Variants in BBX observed in about 807,000 individuals in gnomAD.
The protein encoded by BBX is HMG box transcription factor BBX.
In BBX, 30 loss-of-function variants were observed where a neutral mutation model predicts 100.2. The observed-to-expected ratio is 0.30, with a 90% confidence interval of 0.22 to 0.41. The LOEUF (loss-of-function observed/expected upper bound fraction) is 0.41, where lower values mean the gene tolerates loss of function less well. Ranked by LOEUF, BBX falls within the 10% of genes least tolerant of loss-of-function variation. BBX has a pLI of 1.00. For missense variants in BBX, 1,023 were observed against 1,129.8 expected, an observed-to-expected ratio of 0.91 and a Z score of 1.35; for synonymous variants, 376 against 388.1, an observed-to-expected ratio of 0.97 and a Z score of 0.37.
In BBX at chr3:107,773,171, G is replaced by A; in HGVS notation, c.1450G>A (p.Glu484Lys). The A allele has an allele frequency of 6.2e-7, 1 of 1,614,108 alleles. No homozygotes were observed. Among genetic ancestry groups the A allele is most frequent in the Non-Finnish European group, 8.5e-7 (1 of 1,179,998 alleles). The stretch of plus-strand genomic sequence containing the variant: ...GAGGCAGTCTTCGGAATCTGACATT[G>A]AGAGCGTCATATATACCATTGAAGC... ...KKRQSSESDI[E>K]SVIYTIEAVA... Residue 484 changes from glutamate to lysine, a missense_variant, in exon 11 of 18, where the codon GAG becomes AAG. This residue lies in a region of BBX where 348 missense variants were observed against 353.2 expected (regional missense o/e 0.99). Coordinates refer to ENST00000325805, the MANE Select transcript of BBX (RefSeq NM_001142568.3). The surrounding 1 kb of genome is among the most constrained non-coding windows in gnomAD (Gnocchi z 4.1).
chr3:107,713,972 T>C (rs59163371), intron 4 of BBX, among the ~76,000 whole-genome samples: 84 of 89,662 alleles, frequency 9.4e-4, no homozygotes, highest in South Asian at 5.4e-3. Context: ...TTTTTCTTTT[T>C]TTTTTTTTTT....
intron 2 of BBX, among the ~76,000 whole-genome samples, chr3:107,565,300 TA>T (rs1171350647): frequency 2.0e-5 from 3 of 151,746 alleles, no homozygotes; most frequent in Non-Finnish European, 4.4e-5. Context: ...TTCTTCTCTT[TA>T]TTTTTTTTTT....
chr3:107,556,106 G>A (rs1177500596), intron 2 of BBX, among the ~76,000 whole-genome samples: 1 of 152,164 alleles, frequency 6.6e-6, no homozygotes, highest in Non-Finnish European at 1.5e-5. Flanking sequence ...AGTACTGGCC[G>A]TGGCTCAGGG....
At chr3:107,700,414 CATT>C (rs71113690) in intron 3 of BBX, among the ~76,000 whole-genome samples, 1,194 of 70,074 alleles carry the variant, frequency 0.017, 32 homozygotes, top group African/African-American at 0.028. Flanking sequence ...CTTTCATCAT[CATT>C]ATTATTATTA....
intron 3 of BBX, among the ~76,000 whole-genome samples, chr3:107,655,364 C>T (rs1170905051): frequency 6.6e-6 from 1 of 152,022 alleles, no homozygotes; most frequent in African/African-American, 2.4e-5. Flanking sequence ...TCAGCCCAAA[C>T]TATGTCAATT....
intron 3 of BBX, chr3:107,677,500 C>T (rs1009117595): frequency 6.6e-6 from 1 of 152,018 alleles, no homozygotes; most frequent in Non-Finnish European, 1.5e-5. Context: ...TCAAAAAATG[C>T]GTTTAATACA....
intron 3 of BBX, among the ~76,000 whole-genome samples, chr3:107,709,850 AGCTTGGCCATT>A (rs1196039541): frequency 6.6e-6 from 1 of 152,284 alleles, no homozygotes; most frequent in Admixed American, 6.5e-5. Context: ...TCACGTTTAT[AGCTTGGCCATT>A]GCTTGGCCAT....
intron 2 of BBX, among the ~76,000 whole-genome samples, chr3:107,600,078 A>G (rs1462987644): frequency 6.6e-6 from 1 of 152,188 alleles, no homozygotes; most frequent in Non-Finnish European, 1.5e-5. Flanking sequence ...AAGTGGAAAA[A>G]TCTGGAGGAG....
chr3:107,594,240 T>G (rs1160882784), intron 2 of BBX, among the ~76,000 whole-genome samples: 1 of 152,206 alleles, frequency 6.6e-6, no homozygotes, highest in Non-Finnish European at 1.5e-5. Context: ...GTAGCTGATA[T>G]TTTTTCACGT....
intron 2 of BBX, among the ~76,000 whole-genome samples, chr3:107,627,947 A>G (rs2056303859): frequency 6.6e-6 from 1 of 152,062 alleles, no homozygotes. Context: ...GCAATGAATA[A>G]TAAGGGAACT....
chr3:107,541,668 C>T (rs899953517), intron 2 of BBX, among the ~76,000 whole-genome samples: 1 of 152,048 alleles, frequency 6.6e-6, no homozygotes, highest in African/African-American at 2.4e-5. Flanking sequence ...TAATCCCCCC[C>T]CCATGAGACA....
intron 2 of BBX, among the ~76,000 whole-genome samples, chr3:107,626,820 A>G (rs562802507): frequency 1.9e-3 from 285 of 151,938 alleles, no homozygotes; most frequent in Middle Eastern, 3.4e-3. Context: ...ACGGCTGACT[A>G]ATTTTTGTAT....
intron 7 of BBX, among the ~76,000 whole-genome samples, chr3:107,740,830 TC>T (rs1403989425): frequency 1.3e-5 from 2 of 151,744 alleles, no homozygotes; most frequent in East Asian, 3.9e-4. Context: ...TGCCTCTCCG[TC>T]CTCCTGTAGA....
rs1010856758 is a variant in BBX, at chr3:107,807,993, A to T, written c.*2536A>T. On this transcript the variant is annotated 3_prime_UTR_variant, in exon 18 of 18. Transcript: ENST00000325805. ...CTCTGAGTAAAGTCTTGATTTCAAT[A>T]ATTGTGCTTCTCATGCCCTGAAACT... 5 of 152,196 alleles carry T rather than the reference A, an allele frequency of 3.3e-5. No homozygotes were observed. Among genetic ancestry groups the T allele is most frequent in the Non-Finnish European group, 7.3e-5 (5 of 68,040 alleles). The allele number at this position is 152,196 out of a possible 1,614,324, so 9.4% of individuals were successfully genotyped here. A position where few individuals can be genotyped will look rare whatever the true frequency, so the allele number is the denominator to read the frequency against.
At chr3:107,729,656 T>C (rs543437560) in intron 6 of BBX, among the ~76,000 whole-genome samples, 144 of 152,258 alleles carry the variant, frequency 9.5e-4, no homozygotes, top group Non-Finnish European at 9.7e-4. Flanking sequence ...AAAAGATGAG[T>C]TTGCCAGATG....
chr3:107,806,794 G>A lies in BBX; in HGVS notation c.*1337G>A, dbSNP rs189536691. ...AAGTGATAAATCAAAATTAGTCTGAGGCTACAGATTTTACAGGGTATTTGT... is the reference window on the plus strand; with the variant it reads ...AAGTGATAAATCAAAATTAGTCTGAAGCTACAGATTTTACAGGGTATTTGT... On this transcript the variant is annotated 3_prime_UTR_variant, in exon 18 of 18. Coordinates refer to ENST00000325805, the MANE Select transcript of BBX (RefSeq NM_001142568.3). 1 of 152,266 alleles carries A rather than the reference G, an allele frequency of 6.6e-6. No individual in the cohort carries two copies. The highest frequency in any genetic ancestry group is 6.5e-5 in the Admixed American group (1 of 15,294). 9.4% of individuals were successfully genotyped at this position (152,266 alleles called of 1,614,324 possible).
At chr3:107,770,732 T>G (rs1225253874) in intron 10 of BBX, among the ~76,000 whole-genome samples, 1 of 152,182 alleles carries the variant, frequency 6.6e-6, no homozygotes, top group East Asian at 1.9e-4. Context: ...CTGTGAATGA[T>G]CCGAAGGGCT....
chr3:107,654,336 A>G (rs1174507769), intron 3 of BBX, among the ~76,000 whole-genome samples: 2 of 152,194 alleles, frequency 1.3e-5, no homozygotes, highest in Admixed American at 1.3e-4. Flanking sequence ...AGAACAAAAG[A>G]TATATCTTTC....
Position 107,642,407 on chromosome 3 carries a change from T to A in BBX, c.-83-3429T>A, listed in dbSNP as rs183550997. Among the ~76,000 whole-genome samples, 169 of 152,310 alleles carry A rather than the reference T, an allele frequency of 1.1e-3. 1 individual carries two copies. In the Middle Eastern group the frequency reaches 0.014, roughly 12 times the overall value. On this transcript the variant is annotated intron_variant, in intron 2 of 17. Coordinates refer to ENST00000325805, the MANE Select transcript of BBX (RefSeq NM_001142568.3). ...AAGTAGTTTTAAAGTAGGAAAAGTC[T>A]CTTAAGAAAACTTGCATTATAAAAT...
Sources: gnomAD v4.1 joint callset for allele counts (sites outside exome capture counted in the v4.1 genomes callset) on GRCh38, gnomAD v4.1.1 for gene constraint, gnomAD v4.1.1 regional missense constraint, Gnocchi (gnomAD v3.1) non-coding constraint, MANE v1.5 for transcripts, NCBI Gene and HGNC (gene_info 2026-07-23, HGNC 2026-07-21) for gene names.